GSDME: variants seen among roughly 807,000 people sequenced by gnomAD.
GSDME encodes the protein gasdermin E.
GSDME carries 44 observed loss-of-function variants against 47.5 expected under a neutral mutation model. The ratio of observed to expected loss-of-function variants is 0.93; its 90% CI spans 0.73 to 1.19. GSDME has a LOEUF of 1.19. GSDME is among the 50% of genes most tolerant of loss of function. The pLI is 0.00. For missense variants in GSDME, 663 were observed against 604.2 expected, an observed-to-expected ratio of 1.10 and a Z score of -1.02; for synonymous variants, 258 against 252.8, an observed-to-expected ratio of 1.02 and a Z score of -0.20.
chr7:24,707,739 T>G (rs906442284), intron 7 of GSDME: 7 of 425,358 alleles, frequency 1.6e-5, no homozygotes, highest in Non-Finnish European at 3.0e-5. Flanking sequence ...GAGGCTGGAG[T>G]GCTGCTGCCA....
chr7:24,723,144 A>G (rs1485961607), intron 3 of GSDME, among the ~76,000 whole-genome samples: 3 of 152,212 alleles, frequency 2.0e-5, no homozygotes, highest in African/African-American at 7.2e-5. Flanking sequence ...CCTTTTGGAA[A>G]CCAAATGCTG....
chr7:24,732,708 AG>A lies in GSDME; in HGVS notation c.404+11853del, dbSNP rs1162027963. 6.6e-6 allele frequency among the ~76,000 whole-genome samples: 1 copy of A among 152,222 alleles called. No individual in the cohort carries two copies. The highest frequency in any genetic ancestry group is 1.5e-5 in the Non-Finnish European group (1 of 68,036). On this transcript the variant is annotated intron_variant, in intron 3 of 9. Transcript: ENST00000645220. This position sits in a 1 kb window ranked among gnomAD's most constrained non-coding sequence, Gnocchi z 4.8. ...GGCAGAACTCAGCCAGCGCCCACTG[AG>A]GGAGCATGTAGACCAGCCCTAGCCA...
Position 24,719,051 on chromosome 7 carries a change from A to G in GSDME, c.572T>C (p.Val191Ala), listed in dbSNP as rs534323640. 2 of 1,612,512 alleles carry G rather than the reference A, an allele frequency of 1.2e-6. No individual in the cohort carries two copies. The highest frequency in any genetic ancestry group is 2.2e-5 in the East Asian group (1 of 44,876). ...GGGCAGCCCGACTGCACGCACCTGC[A>G]CCGTCTTGGTCTGGATGCCCACGAT... ...GGIVGIQTKT[V>A]QVSATEDGNV... Residue 191 changes from valine to alanine, a missense_variant, in exon 4 of 10, where the codon GTG (valine) becomes GCG (alanine). By Grantham distance (64) the Val-to-Ala change is moderately conservative (BLOSUM62 0). Coordinates refer to ENST00000645220, the MANE Select transcript of GSDME (RefSeq NM_001127453.2).
chr7:24,725,106 G>T lies in GSDME; in HGVS notation c.405-5888C>A, dbSNP rs1348749293. Among the ~76,000 whole-genome samples the T allele has an allele frequency of 1.3e-5, 2 of 152,178 alleles. No individual in the cohort carries two copies. Among genetic ancestry groups the T allele is most frequent in the Non-Finnish European group, 2.9e-5 (2 of 68,028 alleles). On this transcript the variant is annotated intron_variant, in intron 3 of 9. Coordinates refer to ENST00000645220, the MANE Select transcript of GSDME (RefSeq NM_001127453.2). The surrounding 1 kb of genome is among the most constrained non-coding windows in gnomAD (Gnocchi z 5.1). ...CATGAGCCAATTAAACCTCTCTTCT[G>T]TATAAATTACCCAGTCTCAGGTATT...
chr7:24,732,995 T>C lies in GSDME; in HGVS notation c.404+11567A>G, dbSNP rs1477734402. ...TCCCCCAACTCCAAGCAGCACAACA[T>C]GCAGCTCCAAAAGAGATCCCTTCCT... On this transcript the variant is annotated intron_variant, in intron 3 of 9. Coordinates refer to ENST00000645220, the MANE Select transcript of GSDME (RefSeq NM_001127453.2). The surrounding 1 kb of genome is among the most constrained non-coding windows in gnomAD (Gnocchi z 4.8). Among the ~76,000 whole-genome samples, 1 of 151,844 alleles carries C rather than the reference T, an allele frequency of 6.6e-6. No individual in the cohort carries two copies. The highest frequency in any genetic ancestry group is 1.5e-5 in the Non-Finnish European group (1 of 67,984).
At chr7:24,704,879 G>C (rs35525835) in intron 8 of GSDME, 4,168 of 152,294 alleles carry the variant, frequency 0.027, 76 homozygotes, top group South Asian at 0.049. Flanking sequence ...GTACAGATGA[G>C]GTCTTGCCAT....
the GSDME span, among the ~76,000 whole-genome samples, chr7:24,784,605 C>T: frequency 4.0e-3 from 602 of 151,606 alleles, 7 homozygotes; most frequent in African/African-American, 0.013. Context: ...CACCTTCTTC[C>T]CCCTGCTTTT....
chr7:24,772,753 C>T, the GSDME span, among the ~76,000 whole-genome samples: 8 of 152,138 alleles, frequency 5.3e-5, no homozygotes, highest in Non-Finnish European at 1.2e-4. The surrounding 1 kb of genome is among the most constrained non-coding windows in gnomAD (Gnocchi z 4.5). Flanking sequence ...GGATGGATTT[C>T]CATGTAGTTC....
intron 4 of GSDME, 77 bp downstream of exon 4, chr7:24,718,970 C>T: frequency 6.6e-7 from 1 of 1,515,628 alleles, no homozygotes. Context: ...CTAATGAAGA[C>T]ACCACCCAAA....
the GSDME span, among the ~76,000 whole-genome samples, chr7:24,773,060 T>C: frequency 1.3e-5 from 2 of 152,220 alleles, no homozygotes; most frequent in African/African-American, 4.8e-5. This position sits in a 1 kb window ranked among gnomAD's most constrained non-coding sequence, Gnocchi z 5.4. Flanking sequence ...TAACCCAAGG[T>C]GGGCTATGCA....
At chr7:24,777,400 G>A in the GSDME span, among the ~76,000 whole-genome samples, 1 of 152,222 alleles carries the variant, frequency 6.6e-6, no homozygotes, top group African/African-American at 2.4e-5. Context: ...TGAAGTTTTG[G>A]AATCGAACCA....
chr7:24,734,890 G>C (rs185056027), intron 3 of GSDME, among the ~76,000 whole-genome samples: 5 of 152,284 alleles, frequency 3.3e-5, no homozygotes, highest in Non-Finnish European at 7.4e-5. Flanking sequence ...TATTCAAAGG[G>C]TAACAGCAGA....
chr7:24,701,268 C>T (rs988683907), intron 9 of GSDME, among the ~76,000 whole-genome samples: 2 of 152,190 alleles, frequency 1.3e-5, no homozygotes, highest in African/African-American at 4.8e-5. Flanking sequence ...AAGGTCTTTA[C>T]AGAAAAAGGA....
the GSDME span, among the ~76,000 whole-genome samples, chr7:24,768,866 T>G: frequency 5.3e-5 from 8 of 152,222 alleles, no homozygotes; most frequent in African/African-American, 1.9e-4. This position sits in a 1 kb window ranked among gnomAD's most constrained non-coding sequence, Gnocchi z 5.6. Flanking sequence ...GTTAAGTGAA[T>G]GAGTGAAGAT....
chr7:24,758,450 G>A (rs369235702), upstream of GSDME, among the ~76,000 whole-genome samples: 1 of 152,108 alleles, frequency 6.6e-6, no homozygotes, highest in African/African-American at 2.4e-5. The surrounding 1 kb of genome is among the most constrained non-coding windows in gnomAD (Gnocchi z 4.6). Context: ...CTCAGGTTAC[G>A]AGCCCATTGC....
chr7:24,754,289 C>T lies in GSDME; in HGVS notation c.-20+3107G>A, dbSNP rs1790947650. Among the ~76,000 whole-genome samples the T allele has an allele frequency of 6.6e-6, 1 of 152,066 alleles. No individual in the cohort carries two copies. Among genetic ancestry groups the T allele is most frequent in the African/African-American group, 2.4e-5 (1 of 41,406 alleles). ...GATCACCTAGGTCAGGAGTTTGAAA[C>T]CAGCCTGGCCCAACATGGTGAAACC... On this transcript the variant is annotated intron_variant, in intron 1 of 9. Coordinates refer to ENST00000645220, the MANE Select transcript of GSDME (RefSeq NM_001127453.2). The surrounding 1 kb of genome is among the most constrained non-coding windows in gnomAD (Gnocchi z 5.0).
At chr7:24,783,884 G>A in the GSDME span, among the ~76,000 whole-genome samples, 209 of 152,234 alleles carry the variant, frequency 1.4e-3, no homozygotes, top group Non-Finnish European at 2.5e-3. Flanking sequence ...GTTGGGCGTG[G>A]GGAAGATGAT....
the GSDME span, among the ~76,000 whole-genome samples, chr7:24,791,410 G>A: frequency 6.6e-6 from 1 of 152,218 alleles, no homozygotes; most frequent in Admixed American, 6.5e-5. This position sits in a 1 kb window ranked among gnomAD's most constrained non-coding sequence, Gnocchi z 4.8. Context: ...CTGTATGCCA[G>A]GCAGGACAGT....
chr7:24,737,677 CCAGA>C (rs1434274726), intron 3 of GSDME, among the ~76,000 whole-genome samples: 1 of 139,144 alleles, frequency 7.2e-6, no homozygotes, highest in Non-Finnish European at 1.5e-5. Context: ...GATACCAAAA[CCAGA>C]CAAAGACACA....
Sources: gnomAD v4.1 joint callset for allele counts (sites outside exome capture counted in the v4.1 genomes callset) on GRCh38, gnomAD v4.1.1 for gene constraint, Gnocchi (gnomAD v3.1) non-coding constraint, MANE v1.5 for transcripts, NCBI Gene and HGNC (gene_info 2026-07-23, HGNC 2026-07-21) for gene names.